MCOLN2: variants seen among roughly 807,000 people sequenced by gnomAD.
MCOLN2 encodes the protein mucolipin-2.
Under a neutral mutation model 67.5 loss-of-function variants are expected in MCOLN2, and 57 were observed. That is an observed-to-expected ratio of 0.84 (90% CI 0.68 to 1.05). The LOEUF (loss-of-function observed/expected upper bound fraction) is 1.05. Among genes scored for constraint, MCOLN2 ranks in the 50% least tolerant of loss-of-function variants. The pLI is 0.00. For missense variants in MCOLN2, 620 were observed against 678.8 expected, an observed-to-expected ratio of 0.91 and a Z score of 0.96; for synonymous variants, 246 against 233.3, an observed-to-expected ratio of 1.05 and a Z score of -0.50.
intron 11 of MCOLN2, among the ~76,000 whole-genome samples, chr1:84,935,275 T>C (rs991156582): frequency 1.3e-5 from 2 of 152,248 alleles, no homozygotes; most frequent in African/African-American, 2.4e-5. Flanking sequence ...AACTGACTTG[T>C]ACATTCAGTG....
At chr1:84,929,885 G>C in intron 12 of MCOLN2, 8 of 313,766 alleles carry the variant, frequency 2.5e-5, no homozygotes, top group East Asian at 1.1e-4. Flanking sequence ...ACAATCCAAA[G>C]AAAAACTTCA....
intron 1 of MCOLN2, among the ~76,000 whole-genome samples, chr1:84,984,863 C>T (rs1650428348): frequency 6.6e-6 from 1 of 152,106 alleles, no homozygotes. Context: ...GGCATGCTGG[C>T]TCGTGCCTGT....
Position 84,929,557 on chromosome 1 carries a change from C to T in MCOLN2, c.1664+1G>A. On this transcript the variant is annotated splice_donor_variant, in intron 13 of 13. Coordinates refer to ENST00000370608, the MANE Select transcript of MCOLN2 (RefSeq NM_153259.4). LOFTEE classifies it high-confidence loss of function. ...GCATGGAGAATAAACATGATACTGA[C>T]CTCCTCCGACAGCAGATGCAGGACA... 2 of 1,612,190 alleles carry T rather than the reference C, an allele frequency of 1.2e-6. No homozygotes were observed. Among genetic ancestry groups the T allele is most frequent in the African/African-American group, 2.7e-5 (2 of 75,020 alleles).
intron 1 of MCOLN2, among the ~76,000 whole-genome samples, chr1:84,967,769 AGAGG>A (rs1241609120): frequency 9.7e-6 from 1 of 102,834 alleles, no homozygotes; most frequent in African/African-American, 3.7e-5. Flanking sequence ...GAAAAAGGAG[AGAGG>A]GAGGGAGGGA....
At chr1:84,986,061 AC>A (rs1383327334) in intron 1 of MCOLN2, among the ~76,000 whole-genome samples, 1 of 152,222 alleles carries the variant, frequency 6.6e-6, no homozygotes, top group Non-Finnish European at 1.5e-5. Context: ...GGCCACAGTC[AC>A]CAAAACAGCA....
intron 2 of MCOLN2, among the ~76,000 whole-genome samples, chr1:84,964,838 C>A (rs915388743): frequency 6.6e-6 from 1 of 151,834 alleles, no homozygotes; most frequent in African/African-American, 2.4e-5. Flanking sequence ...TGACAGGAGG[C>A]GGAGCTCAGG....
chr1:84,964,644 T>C (rs1649279061), intron 2 of MCOLN2, among the ~76,000 whole-genome samples: 1 of 152,016 alleles, frequency 6.6e-6, no homozygotes, highest in Admixed American at 6.6e-5. Flanking sequence ...CTCACCATAA[T>C]GTAGAATTAG....
chr1:84,969,444 G>A (rs950092230), intron 1 of MCOLN2, among the ~76,000 whole-genome samples: 2 of 152,052 alleles, frequency 1.3e-5, no homozygotes, highest in Non-Finnish European at 2.9e-5. Flanking sequence ...GGTGGCACAT[G>A]CCTGTAATCC....
intron 4 of MCOLN2, among the ~76,000 whole-genome samples, chr1:84,953,232 A>G (rs1162755155): frequency 6.6e-6 from 1 of 152,136 alleles, no homozygotes; most frequent in African/African-American, 2.4e-5. Context: ...TTATGCATAG[A>G]AAGAATGATC....
chr1:84,926,728 C>G lies in MCOLN2; in HGVS notation c.1665-7G>C. 1 of 1,587,504 alleles carries G rather than the reference C, an allele frequency of 6.3e-7. No homozygotes were observed. Among genetic ancestry groups the G allele is most frequent in the Non-Finnish European group, 8.6e-7 (1 of 1,163,292 alleles). On this transcript the variant is annotated splice_polypyrimidine_tract_variant and splice_region_variant and intron_variant, in intron 13 of 13. Coordinates refer to ENST00000370608, the MANE Select transcript of MCOLN2 (RefSeq NM_153259.4). ...GTGATCATCACTTCTTTTCCTGTAA[C>G]AGAAAGGGAAAGAAGAAAAGAGGAA...
intron 7 of MCOLN2, among the ~76,000 whole-genome samples, chr1:84,941,580 A>G (rs1416860572): frequency 6.6e-6 from 1 of 152,242 alleles, no homozygotes; most frequent in Non-Finnish European, 1.5e-5. Flanking sequence ...ATAAATATTT[A>G]CTGTAGAATA....
chr1:84,932,266 G>A (rs1647221602), intron 11 of MCOLN2, among the ~76,000 whole-genome samples: 1 of 152,152 alleles, frequency 6.6e-6, no homozygotes, highest in Admixed American at 6.5e-5. Flanking sequence ...CCAGGCTGGA[G>A]TGCAGTGCAA....
intron 2 of MCOLN2, among the ~76,000 whole-genome samples, chr1:84,960,240 C>T (rs924449450): frequency 2.0e-5 from 3 of 152,210 alleles, no homozygotes; most frequent in East Asian, 3.9e-4. Flanking sequence ...CTCATTTACC[C>T]CAAGCGGACT....
intron 1 of MCOLN2, among the ~76,000 whole-genome samples, chr1:84,991,395 T>G (rs1650884906): frequency 6.6e-6 from 1 of 152,142 alleles, no homozygotes; most frequent in Non-Finnish European, 1.5e-5. Flanking sequence ...ATGAACAAAT[T>G]TTCTCGTGAT....
At chr1:84,990,023 G>A (rs1051896232) in intron 1 of MCOLN2, among the ~76,000 whole-genome samples, 13 of 151,966 alleles carry the variant, frequency 8.6e-5, no homozygotes, top group African/African-American at 2.2e-4. Context: ...TGGGCCGGGC[G>A]TGGTGGCTCA....
chr1:84,926,978 T>C (rs1189997758), intron 13 of MCOLN2, among the ~76,000 whole-genome samples: 3 of 149,972 alleles, frequency 2.0e-5, no homozygotes, highest in Non-Finnish European at 4.4e-5. Context: ...CTGTGAGGAG[T>C]CACCTGTCTC....
At chr1:84,967,292 C>T (rs189827918) in intron 1 of MCOLN2, among the ~76,000 whole-genome samples, 116 of 152,314 alleles carry the variant, frequency 7.6e-4, no homozygotes, top group Non-Finnish European at 1.3e-3. Flanking sequence ...AACAAATACC[C>T]TTCATGGCTT....
chr1:84,954,462 T>C (rs1352691570), intron 4 of MCOLN2, among the ~76,000 whole-genome samples: 1 of 152,164 alleles, frequency 6.6e-6, no homozygotes, highest in African/African-American at 2.4e-5. Context: ...GTGCTGGACT[T>C]TATATATTCT....
chr1:84,979,701 T>C (rs10873670), intron 1 of MCOLN2, among the ~76,000 whole-genome samples: 77,289 of 151,998 alleles, frequency 0.51, 19,880 homozygotes, highest in Middle Eastern at 0.54. Context: ...ATATACAGCA[T>C]ACCCACAGCT....
Sources: gnomAD v4.1 joint callset for allele counts (sites outside exome capture counted in the v4.1 genomes callset) on GRCh38, gnomAD v4.1.1 for gene constraint, MANE v1.5 for transcripts, NCBI Gene and HGNC (gene_info 2026-07-23, HGNC 2026-07-21) for gene names.